The following FOXK1 variants were observed in gnomAD, a reference collection of about 807,000 sequenced individuals.
FOXK1 encodes the protein forkhead box K1, also known as forkhead box protein K1.
Under a neutral mutation model 51.9 loss-of-function variants are expected in FOXK1, and 19 were observed. That is an observed-to-expected ratio of 0.37 (90% CI 0.26 to 0.54). The LOEUF is 0.54. Among genes scored for constraint, FOXK1 ranks in the 20% least tolerant of loss-of-function variants. FOXK1 has a pLI of 0.87. For synonymous variants in FOXK1, 537 were observed against 482.6 expected, an observed-to-expected ratio of 1.11 and a Z score of -1.48; for missense variants, 870 against 1,032.7, an observed-to-expected ratio of 0.84 and a Z score of 2.16.
intron 1 of FOXK1, among the ~76,000 whole-genome samples, chr7:4,706,154 A>C (rs1291986862): frequency 6.6e-6 from 1 of 151,812 alleles, no homozygotes; most frequent in Non-Finnish European, 1.5e-5. Context: ...AACTCTCCAC[A>C]AAGGTAACAG....
At chr7:4,689,924 T>C (rs947782201) in intron 1 of FOXK1, among the ~76,000 whole-genome samples, 5 of 152,186 alleles carry the variant, frequency 3.3e-5, no homozygotes, top group Admixed American at 3.3e-4. Context: ...GCGTATGTGC[T>C]GAGCTGGGCT....
Position 4,752,646 on chromosome 7 carries a change from G to A in FOXK1, c.747-1813G>A, listed in dbSNP as rs201162060. ...GAGCTGAGTGGCCATTCCCCAGCCT[G>A]TGGCCGGAGATCAGAGTGTATGTGA... On this transcript the variant is annotated intron_variant, in intron 2 of 8. Transcript: ENST00000328914. Among the ~76,000 whole-genome samples the A allele has an allele frequency of 2.3e-4, 35 of 152,358 alleles. No individual in the cohort carries two copies. In the East Asian group the frequency reaches 6.6e-3, roughly 29 times the overall value.
At chr7:4,741,999 A>T (rs1160316436) in intron 2 of FOXK1, among the ~76,000 whole-genome samples, 1 of 152,236 alleles carries the variant, frequency 6.6e-6, no homozygotes, top group Non-Finnish European at 1.5e-5. Context: ...TTACCTCTTC[A>T]TTGCGGACAT....
At chr7:4,684,717 C>T (rs1394304635) in intron 1 of FOXK1, among the ~76,000 whole-genome samples, 2 of 152,166 alleles carry the variant, frequency 1.3e-5, no homozygotes, top group Non-Finnish European at 2.9e-5. Context: ...AACTCAGGTT[C>T]ACTAAGTACT....
chr7:4,698,601 G>A (rs1276813132), intron 1 of FOXK1, among the ~76,000 whole-genome samples: 4 of 152,098 alleles, frequency 2.6e-5, no homozygotes, highest in East Asian at 1.9e-4. Context: ...CACCCAGGCC[G>A]GAGTACAGTG....
Position 4,682,749 on chromosome 7 carries a change from C to G in FOXK1, c.441C>G (p.Arg147=), listed in dbSNP as rs1779768031. The stretch of plus-strand genomic sequence containing the variant: ...GCCTGTCCAGCTTCATCTCGCGGCG[C>G]CACCTGCAGCTCAGCTTCCAGGAGC... ...SMGLSSFISR[R]HLQLSFQEPH... Residue 147 remains arginine (R), a synonymous_variant, in exon 1 of 9, where the codon CGC becomes CGG. Coordinates refer to ENST00000328914, the MANE Select transcript of FOXK1 (RefSeq NM_001037165.2). This position sits in a 1 kb window ranked among gnomAD's most constrained non-coding sequence, Gnocchi z 7.6. 2 of 1,601,256 alleles carry G rather than the reference C, an allele frequency of 1.2e-6. No individual in the cohort carries two copies. Among genetic ancestry groups the G allele is most frequent in the African/African-American group, 2.7e-5 (2 of 74,424 alleles).
intron 2 of FOXK1, among the ~76,000 whole-genome samples, chr7:4,751,104 T>C (rs1780769849): frequency 2.1e-5 from 3 of 144,924 alleles, no homozygotes; most frequent in Non-Finnish European, 4.5e-5. Context: ...AAACTCCACC[T>C]CCCAGGTTCA....
At position 4,754,120 on chromosome 7, in the gene FOXK1, C is replaced by T. The variant is rs550813004; in HGVS notation, c.747-339C>T. ...CCGCGGAGGCTACCTGCTCCGGGTGCACATCCTGTAGGGGTGTGTGTGGGG... is the reference window on the plus strand; with the variant it reads ...CCGCGGAGGCTACCTGCTCCGGGTGTACATCCTGTAGGGGTGTGTGTGGGG... On this transcript the variant is annotated intron_variant, in intron 2 of 8. Coordinates refer to ENST00000328914, the MANE Select transcript of FOXK1 (RefSeq NM_001037165.2). Among the ~76,000 whole-genome samples the T allele has an allele frequency of 1.8e-4, 27 of 152,288 alleles. 1 individual carries two copies. The highest frequency in any genetic ancestry group is 5.8e-4 in the African/African-American group (24 of 41,576).
chr7:4,748,163 C>T lies in FOXK1; in HGVS notation c.747-6296C>T, dbSNP rs1206585686. On this transcript the variant is annotated intron_variant, in intron 2 of 8. Transcript: ENST00000328914. The surrounding 1 kb of genome is among the most constrained non-coding windows in gnomAD (Gnocchi z 4.9). ...TATCTATCTATCTATATGCATCTTA[C>T]AAAATGCAAACATTTCAGAAAGTGA... Among the ~76,000 whole-genome samples, 2 of 152,158 alleles carry T rather than the reference C, an allele frequency of 1.3e-5. No homozygotes were observed. Among genetic ancestry groups the T allele is most frequent in the East Asian group, 3.8e-4 (2 of 5,200 alleles).
chr7:4,703,914 C>A lies in FOXK1; in HGVS notation c.560+21046C>A, dbSNP rs746295785. ...ACCATGAAGGCTAAATACTCCCAGT[C>A]ACTATAAATACAGAAAACCAAACCT... is the stretch of plus-strand genomic sequence containing the variant. On this transcript the variant is annotated intron_variant, in intron 1 of 8. Coordinates refer to ENST00000328914, the MANE Select transcript of FOXK1 (RefSeq NM_001037165.2). This position sits in a 1 kb window ranked among gnomAD's most constrained non-coding sequence, Gnocchi z 5.6. Among the ~76,000 whole-genome samples, 1 of 152,142 alleles carries A rather than the reference C, an allele frequency of 6.6e-6. No homozygotes were observed. Among genetic ancestry groups the A allele is most frequent in the Non-Finnish European group, 1.5e-5 (1 of 68,032 alleles).
rs1349554588 is a variant in FOXK1 at position 4,766,613 on chromosome 7, G to A, written c.*4149G>A. ...TACCACGCTCTGTGCTTCTCAGGCAGGGAGGAGATGGATTCGGTGGAGTTG... is the reference window on the plus strand; with the variant it reads ...TACCACGCTCTGTGCTTCTCAGGCAAGGAGGAGATGGATTCGGTGGAGTTG... On this transcript the variant is annotated 3_prime_UTR_variant, in exon 9 of 9. Transcript: ENST00000328914. The surrounding 1 kb of genome is among the most constrained non-coding windows in gnomAD (Gnocchi z 5.5). The A allele has an allele frequency of 6.6e-6, 1 of 152,318 alleles. No homozygotes were observed. The highest frequency in any genetic ancestry group is 1.5e-5 in the Non-Finnish European group (1 of 68,096). The allele number at this position is 152,318 out of a possible 1,614,324, so 9.4% of individuals were successfully genotyped here. A position where few individuals can be genotyped will look rare whatever the true frequency, so the allele number is the denominator to read the frequency against.
chr7:4,717,013 G>A (rs1046626455), intron 1 of FOXK1, among the ~76,000 whole-genome samples: 1 of 149,728 alleles, frequency 6.7e-6, no homozygotes, highest in Admixed American at 6.7e-5. Context: ...CTGGAAGGTA[G>A]TGGTGGGAGG....
chr7:4,751,475 G>A (rs1780776976), intron 2 of FOXK1, among the ~76,000 whole-genome samples: 1 of 152,182 alleles, frequency 6.6e-6, no homozygotes, highest in African/African-American at 2.4e-5. Context: ...TCCCACCCTG[G>A]CTGGGCGCCC....
At position 4,759,331 on chromosome 7, in the gene FOXK1, C is replaced by A; in HGVS notation, c.1432C>A (p.Pro478Thr). The change falls in exon 7 of 9, where the codon CCA becomes ACA. Residue 478 changes from proline to threonine, a missense_variant. Around this residue, in one of 3 missense-constraint regions of FOXK1, gnomAD observed 457 missense variants for 510.8 expected, o/e 0.89. Coordinates refer to ENST00000328914, the MANE Select transcript of FOXK1 (RefSeq NM_001037165.2). ...TGCAGGCTCCCCCGTCAGCGCCCAG[C>A]CAGTGATCATGGCCGTGCCTCCCCG... is the stretch of plus-strand genomic sequence containing the variant. ...SAPGSPVSAQ[P>T]VIMAVPPRPS... 2 of 1,601,298 alleles carry A rather than the reference C, an allele frequency of 1.2e-6. No individual in the cohort carries two copies. Among genetic ancestry groups the A allele is most frequent in the Non-Finnish European group, 1.7e-6 (2 of 1,178,336 alleles).
intron 1 of FOXK1, among the ~76,000 whole-genome samples, chr7:4,686,955 CAG>C (rs1456377073): frequency 3.5e-5 from 5 of 144,636 alleles, no homozygotes; most frequent in East Asian, 4.0e-4. Flanking sequence ...TTTTTTGAGA[CAG>C]AGTCTTGCTC....
intron 1 of FOXK1, among the ~76,000 whole-genome samples, chr7:4,708,840 G>A (rs149046405): frequency 3.6e-4 from 55 of 152,234 alleles, no homozygotes; most frequent in Middle Eastern, 3.4e-3. Context: ...TGAGGCGGGC[G>A]GATCACCTGA....
intron 1 of FOXK1, among the ~76,000 whole-genome samples, chr7:4,701,039 T>G (rs1780014360): frequency 6.6e-6 from 1 of 152,214 alleles, no homozygotes; most frequent in South Asian, 2.1e-4. Flanking sequence ...CCCTCAGGTC[T>G]GCTGAGCTCC....
At position 4,731,513 on chromosome 7, in the gene FOXK1, A is replaced by C. The variant is rs1780475865; in HGVS notation, c.561-9325A>C. Among the ~76,000 whole-genome samples the C allele has an allele frequency of 1.3e-5, 2 of 152,288 alleles. No individual in the cohort carries two copies. Among genetic ancestry groups the C allele is most frequent in the Admixed American group, 1.3e-4 (2 of 15,296 alleles). On this transcript the variant is annotated intron_variant, in intron 1 of 8. Transcript: ENST00000328914. This position sits in a 1 kb window ranked among gnomAD's most constrained non-coding sequence, Gnocchi z 5.3. ...AGTGGCTCACGCCTGTAATCCCAGC[A>C]CTTTGGGAGGCCAAAGCGGGTGCAT... is the stretch of plus-strand genomic sequence containing the variant.
At position 4,703,406 on chromosome 7, in the gene FOXK1, A is replaced by C. The variant is rs1229228767; in HGVS notation, c.560+20538A>C. 2.0e-5 allele frequency among the ~76,000 whole-genome samples: 3 copies of C among 152,174 alleles called. No individual in the cohort carries two copies. Among genetic ancestry groups the C allele is most frequent in the African/African-American group, 7.2e-5 (3 of 41,434 alleles). On this transcript the variant is annotated intron_variant, in intron 1 of 8. Transcript: ENST00000328914. This position sits in a 1 kb window ranked among gnomAD's most constrained non-coding sequence, Gnocchi z 5.6. ...ACAACTCGCTGAAGTTCGTGGCCCC[A>C]AGACATGCGGAGAACCCGCGTCTGC...
Sources: allele counts gnomAD v4.1 joint callset (sites outside exome capture counted in the v4.1 genomes callset), GRCh38; gene constraint gnomAD v4.1.1; regional missense constraint gnomAD v4.1.1; non-coding constraint Gnocchi (gnomAD v3.1); transcripts MANE v1.5; gene names NCBI Gene and HGNC (gene_info 2026-07-23, HGNC 2026-07-21).